Variants in CNST observed in about 807,000 individuals in gnomAD.
CNST encodes consortin, connexin sorting protein.
A neutral mutation model predicts 72.4 loss-of-function variants in CNST; 39 were observed. The ratio of observed to expected loss-of-function variants is 0.54; its 90% confidence interval spans 0.42 to 0.70. The LOEUF is 0.70. Ranked by LOEUF, CNST falls within the 30% of genes least tolerant of loss-of-function variation. The pLI is 0.00. For missense variants in CNST, 871 were observed against 868.5 expected (o/e 1.00, Z -0.04); for synonymous variants, 332 against 320.1 (o/e 1.04, Z -0.40).
In CNST at chr1:246,645,424, C is replaced by CTT. The variant is rs1553384186; in HGVS notation, c.938-1695_938-1694dup. On this transcript the variant is annotated intron_variant, in intron 8 of 10. Coordinates refer to ENST00000366513, the MANE Select transcript of CNST (RefSeq NM_152609.3). Reference sequence around the variant, plus strand: ...ACATATTAGTATAAAAAGGTTAAAACTTTTTTTTTTTTTTTTTTTTTGAGA... The same window carrying CTT: ...ACATATTAGTATAAAAAGGTTAAAACTTTTTTTTTTTTTTTTTTTTTTTGAGA... Among the ~76,000 whole-genome samples the CTT allele has an allele frequency of 4.5e-3, 477 of 105,948 alleles. 1 individual carries two copies. The highest frequency in any genetic ancestry group is 6.6e-3 in the Non-Finnish European group (348 of 52,528). The allele number at this position is 105,948 out of a possible 152,430, so 69.5% of individuals were successfully genotyped here.
intron 6 of CNST, among the ~76,000 whole-genome samples, chr1:246,635,022 C>T (rs537959071): frequency 1.8e-4 from 27 of 148,252 alleles, no homozygotes; most frequent in Middle Eastern, 3.6e-3. Flanking sequence ...CTCGCTGACG[C>T]GCGCTGCTGG....
At chr1:246,657,451 G>C (rs938413620) in intron 9 of CNST, among the ~76,000 whole-genome samples, 1 of 152,146 alleles carries the variant, frequency 6.6e-6, no homozygotes, top group Non-Finnish European at 1.5e-5. Flanking sequence ...GAAACAAAAG[G>C]GTTTTGGTGG....
rs147069240 is a variant in CNST, at chr1:246,580,102, G to A, written c.-51-11410G>A. Among the ~76,000 whole-genome samples, 596 of 152,210 alleles carry A rather than the reference G, an allele frequency of 3.9e-3. 3 individuals are homozygous for A. Among genetic ancestry groups the A allele is most frequent in the African/African-American group, 0.014 (569 of 41,530 alleles). ...GGAACTTCTGGTACTTACGAATGACGGGGCTTATCTTCTTGAAAGTGGTAA... is the reference window on the plus strand; with the variant it reads ...GGAACTTCTGGTACTTACGAATGACAGGGCTTATCTTCTTGAAAGTGGTAA... On this transcript the variant is annotated intron_variant, in intron 1 of 10. Transcript: ENST00000366513.
chr1:246,574,191 G>C (rs530523380), intron 1 of CNST, among the ~76,000 whole-genome samples: 2 of 151,994 alleles, frequency 1.3e-5, no homozygotes, highest in African/African-American at 4.8e-5. Context: ...ACAGGCACCC[G>C]CCACCGCGCC....
At chr1:246,652,813 G>T (rs570595711) in intron 9 of CNST, among the ~76,000 whole-genome samples, 2 of 150,702 alleles carry the variant, frequency 1.3e-5, no homozygotes, top group Non-Finnish European at 3.0e-5. Context: ...GACCATCCTG[G>T]CTAACACGGT....
At chr1:246,574,374 TTA>T (rs1237057600) in intron 1 of CNST, among the ~76,000 whole-genome samples, 1 of 152,164 alleles carries the variant, frequency 6.6e-6, no homozygotes. Flanking sequence ...TAAATAAATT[TTA>T]ACTTGAGGAA....
At chr1:246,659,150 C>T (rs943412280) in intron 9 of CNST, among the ~76,000 whole-genome samples, 5 of 152,234 alleles carry the variant, frequency 3.3e-5, no homozygotes, top group Middle Eastern at 3.4e-3. Flanking sequence ...CTCTTAGAAC[C>T]GCACAGTGCC....
At chr1:246,646,632 C>T (rs562838960) in intron 8 of CNST, among the ~76,000 whole-genome samples, 1 of 152,082 alleles carries the variant, frequency 6.6e-6, no homozygotes, top group African/African-American at 2.4e-5. Flanking sequence ...AGGCATGTGC[C>T]ACCACGCCCA....
intron 2 of CNST, among the ~76,000 whole-genome samples, chr1:246,608,892 A>C (rs1663110804): frequency 6.6e-6 from 1 of 152,240 alleles, no homozygotes; most frequent in Non-Finnish European, 1.5e-5. Context: ...TTGTATGCCT[A>C]GTAAATTCTG....
At chr1:246,613,596 T>C (rs1663474417) in intron 2 of CNST, among the ~76,000 whole-genome samples, 1 of 149,068 alleles carries the variant, frequency 6.7e-6, no homozygotes, top group South Asian at 2.2e-4. Context: ...GTACTCTGAA[T>C]AGTAGTATAC....
intron 9 of CNST, among the ~76,000 whole-genome samples, chr1:246,656,510 T>C (rs554367444): frequency 6.6e-6 from 1 of 152,354 alleles, no homozygotes; most frequent in East Asian, 1.9e-4. Flanking sequence ...ATAGAAGGGC[T>C]TGGTATATTT....
At chr1:246,575,944 C>T (rs1172590502) in intron 1 of CNST, among the ~76,000 whole-genome samples, 2 of 151,984 alleles carry the variant, frequency 1.3e-5, no homozygotes, top group African/African-American at 2.4e-5. Flanking sequence ...TTTCAGTGCT[C>T]TCTGGGCGCG....
At chr1:246,629,599 G>T (rs1664648054) in intron 3 of CNST, among the ~76,000 whole-genome samples, 1 of 152,204 alleles carries the variant, frequency 6.6e-6, no homozygotes, top group Admixed American at 6.5e-5. Flanking sequence ...ATGCAAAAAG[G>T]CAGGAAAAAT....
At chr1:246,586,201 CTT>C (rs948523300) in intron 1 of CNST, among the ~76,000 whole-genome samples, 22 of 143,508 alleles carry the variant, frequency 1.5e-4, no homozygotes, top group African/African-American at 5.4e-4. Context: ...TGATATGTAT[CTT>C]TATTATATAG....
rs900372321 is a variant in CNST at position 246,664,812 on chromosome 1, A to G, written c.1973-888A>G. Among the ~76,000 whole-genome samples the G allele has an allele frequency of 1.1e-4, 16 of 152,200 alleles. 1 individual carries two copies. The highest frequency in any genetic ancestry group is 9.8e-4 in the Admixed American group (15 of 15,286). On this transcript the variant is annotated intron_variant, in intron 10 of 10. Transcript: ENST00000366513. Reference sequence around the variant, plus strand: ...AATAGATACTGCCAAATTACCTTCCAAAAAGGCATTCCTACACTTTAATCA... The same window carrying G: ...AATAGATACTGCCAAATTACCTTCCGAAAAGGCATTCCTACACTTTAATCA...
intron 6 of CNST, among the ~76,000 whole-genome samples, chr1:246,636,522 G>T (rs1304379178): frequency 6.6e-6 from 1 of 152,186 alleles, no homozygotes; most frequent in African/African-American, 2.4e-5. Flanking sequence ...GCTAGGGAGG[G>T]GATACGTCTG....
chr1:246,590,220 C>T (rs993263070), intron 1 of CNST, among the ~76,000 whole-genome samples: 5 of 152,100 alleles, frequency 3.3e-5, no homozygotes, highest in Non-Finnish European at 5.9e-5. Flanking sequence ...CGTGATAGAT[C>T]GAGCAAGCGT....
At chr1:246,642,088 C>G in intron 8 of CNST, 51 bp downstream of exon 8, 1 of 816,022 alleles carries the variant, frequency 1.2e-6, no homozygotes, top group Non-Finnish European at 1.9e-6. Context: ...CCTGCCTCTT[C>G]TGATCTTTTA....
rs775926336 is a variant in CNST, at chr1:246,591,555, A to T, written c.-8A>T. 75 of 1,613,900 alleles carry T rather than the reference A, an allele frequency of 4.6e-5. 1 individual carries two copies. The South Asian group carries it at 8.0e-4, about 17-fold the overall frequency. On this transcript the variant is annotated 5_prime_UTR_variant, in exon 2 of 11. It removes an upstream start codon present in the reference 5' UTR. Transcript: ENST00000366513. ...GTAACTTTAAATGGTTCACCAAAGG[A>T]TGCTCTAATGGATGACAGCGATACT... is the stretch of plus-strand genomic sequence containing the variant.
Sources: gnomAD v4.1 joint callset for allele counts (sites outside exome capture counted in the v4.1 genomes callset) on GRCh38, gnomAD v4.1.1 for gene constraint, MANE v1.5 for transcripts, NCBI Gene and HGNC (gene_info 2026-07-23, HGNC 2026-07-21) for gene names.